The following DOCK2 variants were observed in gnomAD, a reference collection of about 807,000 sequenced individuals.
DOCK2 encodes the protein dedicator of cytokinesis 2.
DOCK2 carries 87 observed loss-of-function variants against 248.9 expected under a neutral mutation model. That is an observed-to-expected ratio of 0.35 (90% CI 0.29 to 0.42). The LOEUF is 0.42. Among genes scored for constraint, DOCK2 ranks in the 10% least tolerant of loss-of-function variants. The probability of loss-of-function intolerance (pLI) is 1.00; values close to 1 mark genes in which losing one functional copy is unlikely to be tolerated. For synonymous variants in DOCK2, 805 were observed against 821.6 expected, an observed-to-expected ratio of 0.98 and a Z score of 0.35; for missense variants, 1,747 against 2,300.2, an observed-to-expected ratio of 0.76 and a Z score of 4.92.
At chr5:169,902,751 G>A (rs546882724) in intron 27 of DOCK2, among the ~76,000 whole-genome samples, 3 of 152,290 alleles carry the variant, frequency 2.0e-5, no homozygotes, top group South Asian at 2.1e-4. Context: ...CTAGGGACAC[G>A]GCAGTGAGCT....
intron 27 of DOCK2, among the ~76,000 whole-genome samples, chr5:169,904,711 G>A (rs769561787): frequency 6.6e-6 from 1 of 152,182 alleles, no homozygotes; most frequent in African/African-American, 2.4e-5. Flanking sequence ...TACCGAGGGT[G>A]GCCTCAGCTC....
At chr5:169,794,814 T>C (rs897865972) in intron 25 of DOCK2, among the ~76,000 whole-genome samples, 1 of 152,146 alleles carries the variant, frequency 6.6e-6, no homozygotes, top group Non-Finnish European at 1.5e-5. Flanking sequence ...TCCCAGCTAC[T>C]TGGGAGGCTG....
intron 23 of DOCK2, among the ~76,000 whole-genome samples, chr5:169,758,958 A>G (rs1353130861): frequency 1.3e-5 from 2 of 152,236 alleles, no homozygotes; most frequent in Non-Finnish European, 2.9e-5. Context: ...GCATACTTCC[A>G]TTAGACCCTT....
intron 49 of DOCK2, chr5:170,079,422 T>A: frequency 2.7e-6 from 1 of 366,392 alleles, no homozygotes; most frequent in South Asian, 2.9e-5. Context: ...ACAGGGCTTT[T>A]CCAGGCTGGG....
chr5:169,929,571 T>TAAC (rs571979151), intron 27 of DOCK2, among the ~76,000 whole-genome samples: 24 of 151,534 alleles, frequency 1.6e-4, no homozygotes, highest in Non-Finnish European at 2.4e-4. Flanking sequence ...ACCTTGTCTC[T>TAAC]AACAACAACA....
intron 2 of DOCK2, among the ~76,000 whole-genome samples, chr5:169,668,159 C>T (rs879157071): frequency 6.6e-6 from 1 of 152,134 alleles, no homozygotes; most frequent in Admixed American, 6.6e-5. Context: ...GGATAATAAC[C>T]GTTCCTACTT....
chr5:169,726,785 G>A (rs561495626), intron 22 of DOCK2, among the ~76,000 whole-genome samples: 1 of 152,324 alleles, frequency 6.6e-6, no homozygotes, highest in Non-Finnish European at 1.5e-5. Context: ...GATAAGCAAT[G>A]ATCAGTGATG....
At chr5:169,788,347 AT>A (rs5873191) in intron 25 of DOCK2, among the ~76,000 whole-genome samples, 1 of 151,766 alleles carries the variant, frequency 6.6e-6, no homozygotes, top group Non-Finnish European at 1.5e-5. Context: ...TCCTCCCTTT[AT>A]TTTTTTTATG....
At chr5:169,880,080 A>C (rs1484274705) in intron 27 of DOCK2, among the ~76,000 whole-genome samples, 2 of 152,222 alleles carry the variant, frequency 1.3e-5, no homozygotes, top group African/African-American at 4.8e-5. Context: ...ATAAAAAAAG[A>C]AGCAGCAAAA....
At chr5:169,984,818 T>C (rs755108053) in intron 28 of DOCK2, among the ~76,000 whole-genome samples, 14 of 152,202 alleles carry the variant, frequency 9.2e-5, no homozygotes, top group Non-Finnish European at 1.8e-4. Flanking sequence ...TCCTCTAGAT[T>C]TTAAATTTTG....
chr5:169,645,025 T>G lies in DOCK2; in HGVS notation c.43+7656T>G, dbSNP rs554837896. Among the ~76,000 whole-genome samples the G allele has an allele frequency of 2.0e-5, 3 of 152,362 alleles. No individual in the cohort carries two copies. The East Asian group carries it at 5.8e-4, about 29-fold the overall frequency. On this transcript the variant is annotated intron_variant, in intron 1 of 51. Transcript: ENST00000520908. ...TTCCATGGTATATATGTTGACATTT[T>G]CTTTATCCAATCTATCATTGATGGG...
At chr5:170,055,216 C>T in intron 41 of DOCK2, 89 bp from the exon 42 acceptor site, 1 of 1,311,372 alleles carries the variant, frequency 7.6e-7, no homozygotes, top group South Asian at 1.2e-5. Context: ...CCCATAAAGG[C>T]TGGCCTGGAA....
At position 169,670,545 on chromosome 5, in the gene DOCK2, A is replaced by G. The variant is rs773777694; in HGVS notation, c.172A>G (p.Ile58Val). 5.0e-6 allele frequency: 8 copies of G among 1,613,386 alleles called. No individual in the cohort carries two copies. The Admixed American group carries it at 1.2e-4, about 24-fold the overall frequency. The part of the protein sequence containing the change: ...YLIKHKMLQG[I>V]FPKSFIHIKE... ...TGTTTTGTTTTGTTTCCAACAGGGCATTTTTCCTAAGTCATTTATCCACAT... is the reference window on the plus strand; with the variant it reads ...TGTTTTGTTTTGTTTCCAACAGGGCGTTTTTCCTAAGTCATTTATCCACAT... The change falls in exon 4 of 52, where the codon ATT (isoleucine) becomes GTT (valine). Residue 58 changes from isoleucine (I) to valine (V), a missense_variant. Ile to Val is a conservative substitution (Grantham distance 29, BLOSUM62 3). This residue lies in a region of DOCK2 where 375 missense variants were observed against 510.9 expected (regional missense o/e 0.73). Transcript: ENST00000520908.
At chr5:169,675,468 T>C (rs2113317114) in intron 6 of DOCK2, among the ~76,000 whole-genome samples, 1 of 152,310 alleles carries the variant, frequency 6.6e-6, no homozygotes, top group Non-Finnish European at 1.5e-5. Context: ...AGGGTCACAG[T>C]TCCAATTAGG....
chr5:169,711,997 A>G lies in DOCK2; in HGVS notation c.1545A>G (p.Ser515=), dbSNP rs1396924346. 5.0e-6 allele frequency: 8 copies of G among 1,614,042 alleles called. No individual in the cohort carries two copies. The highest frequency in any genetic ancestry group is 1.1e-5 in the South Asian group (1 of 91,096). The change falls in exon 16 of 52, where the codon TCA becomes TCG. Residue 515 remains serine (S), a synonymous_variant. Transcript: ENST00000520908. ...IHLRFMFRHR[S]SLESKDKGEK... is the part of the protein sequence containing the mutation. ...TGCGATTCATGTTTCGACATCGGTCATCTCTGGAATGTGAGTACCATACTG... is the reference window on the plus strand; with the variant it reads ...TGCGATTCATGTTTCGACATCGGTCGTCTCTGGAATGTGAGTACCATACTG...
intron 27 of DOCK2, among the ~76,000 whole-genome samples, chr5:169,919,736 C>G (rs537187852): frequency 6.6e-6 from 1 of 152,142 alleles, no homozygotes; most frequent in African/African-American, 2.4e-5. Flanking sequence ...TCTGAGTCCC[C>G]GCGAAACCTG....
At chr5:169,702,270 A>G in intron 13 of DOCK2, 33 bp from the exon 14 acceptor site, 7 of 1,610,984 alleles carry the variant, frequency 4.3e-6, no homozygotes, top group Non-Finnish European at 5.9e-6. Context: ...TGTAATCCAC[A>G]CTAACTCTTG....
At chr5:170,010,431 C>G (rs536703766) in intron 32 of DOCK2, among the ~76,000 whole-genome samples, 2 of 152,236 alleles carry the variant, frequency 1.3e-5, no homozygotes, top group African/African-American at 4.8e-5. Flanking sequence ...CAGGCCCACA[C>G]GACAGCCGGC....
At chr5:169,883,939 A>G in intron 27 of DOCK2, 1 of 1,446,470 alleles carries the variant, frequency 6.9e-7, no homozygotes, top group Non-Finnish European at 9.1e-7. Flanking sequence ...CACTTCTCCT[A>G]GGCACATCTC....
Sources: gnomAD v4.1 joint callset for allele counts (sites outside exome capture counted in the v4.1 genomes callset) on GRCh38, gnomAD v4.1.1 for gene constraint, gnomAD v4.1.1 regional missense constraint, MANE v1.5 for transcripts, NCBI Gene and HGNC (gene_info 2026-07-23, HGNC 2026-07-21) for gene names.